SAMMSON: variants seen among roughly 807,000 people sequenced by gnomAD.
The protein encoded by SAMMSON is survival associated mitochondrial melanoma specific oncogenic non-coding RNA, also known as long intergenic non-protein coding RNA 1212.
intron 3 of SAMMSON, among the ~76,000 whole-genome samples, chr3:70,019,710 G>T (rs962765766): frequency 6.6e-6 from 1 of 152,184 alleles, no homozygotes; most frequent in African/African-American, 2.4e-5. Flanking sequence ...TGTTTTTGCA[G>T]TGTCTGGTAC....
intron 2 of SAMMSON, among the ~76,000 whole-genome samples, chr3:70,397,544 G>T (rs1216285291): frequency 6.6e-6 from 1 of 152,118 alleles, no homozygotes; most frequent in Non-Finnish European, 1.5e-5. Context: ...ACAATGTTCT[G>T]TTGAAGACTG....
At chr3:70,042,938 G>A (rs943071484) in intron 3 of SAMMSON, among the ~76,000 whole-genome samples, 1 of 152,076 alleles carries the variant, frequency 6.6e-6, no homozygotes, top group Admixed American at 6.6e-5. Flanking sequence ...CGCTTTGCCA[G>A]TGAATATAAA....
intron 2 of SAMMSON, among the ~76,000 whole-genome samples, chr3:70,433,814 T>A (rs1047438780): frequency 6.6e-6 from 1 of 152,180 alleles, no homozygotes; most frequent in Non-Finnish European, 1.5e-5. Flanking sequence ...AGTTACTTTT[T>A]ATGAAAGATG....
At chr3:70,154,405 A>C (rs34556593) in intron 4 of SAMMSON, among the ~76,000 whole-genome samples, 46,874 of 151,928 alleles carry the variant, frequency 0.31, 9,654 homozygotes, top group Non-Finnish European at 0.44. Flanking sequence ...GGCATAGCCA[A>C]GTCATAAGGC....
intron 1 of SAMMSON, among the ~76,000 whole-genome samples, chr3:70,001,054 G>C (rs1201166970): frequency 6.6e-6 from 1 of 151,884 alleles, no homozygotes; most frequent in Non-Finnish European, 1.5e-5. Context: ...GCCCTTTTCT[G>C]CTTGGCTCTC....
intron 3 of SAMMSON, among the ~76,000 whole-genome samples, chr3:70,018,220 T>G (rs978610955): frequency 6.6e-6 from 1 of 152,106 alleles, no homozygotes; most frequent in Non-Finnish European, 1.5e-5. Context: ...GTTCTGGACT[T>G]TTTTTGTTGG....
intron 1 of SAMMSON, among the ~76,000 whole-genome samples, chr3:70,008,882 C>G (rs920434130): frequency 6.6e-6 from 1 of 151,978 alleles, no homozygotes; most frequent in African/African-American, 2.4e-5. Context: ...CCTTTTCTTC[C>G]TCTGTTGAGA....
intron 7 of SAMMSON, among the ~76,000 whole-genome samples, chr3:70,317,855 A>G (rs190798821): frequency 6.6e-6 from 1 of 151,842 alleles, no homozygotes; most frequent in Non-Finnish European, 1.5e-5. Context: ...AACCCTCTTA[A>G]GCTTTCATTT....
chr3:70,178,104 G>T (rs901819313), intron 4 of SAMMSON, among the ~76,000 whole-genome samples: 1 of 152,090 alleles, frequency 6.6e-6, no homozygotes, highest in Non-Finnish European at 1.5e-5. Flanking sequence ...AGCAGTTGCT[G>T]GGGATGTATA....
intron 3 of SAMMSON, chr3:70,025,031 A>G (rs2067032086): frequency 6.6e-6 from 1 of 152,080 alleles, no homozygotes; most frequent in Non-Finnish European, 1.5e-5. Flanking sequence ...CTTCCTGTAG[A>G]TAACACCATG....
chr3:70,360,731 T>C (rs958378705), intron 9 of SAMMSON, among the ~76,000 whole-genome samples: 1 of 152,168 alleles, frequency 6.6e-6, no homozygotes, highest in South Asian at 2.1e-4. Context: ...GAGTAAGTTA[T>C]GATAAAACAT....
At chr3:70,320,728 C>A (rs1263519700) in intron 7 of SAMMSON, among the ~76,000 whole-genome samples, 1 of 152,096 alleles carries the variant, frequency 6.6e-6, no homozygotes, top group Non-Finnish European at 1.5e-5. Flanking sequence ...GTCATTCAAG[C>A]TGGCCAATCC....
intron 4 of SAMMSON, among the ~76,000 whole-genome samples, chr3:70,194,620 A>C (rs1701157712): frequency 1.3e-5 from 2 of 152,242 alleles, no homozygotes; most frequent in African/African-American, 4.8e-5. Context: ...GCAAGGCCAC[A>C]GAAAGATCTT....
chr3:70,281,026 G>C (rs1433554961), intron 6 of SAMMSON, among the ~76,000 whole-genome samples: 2 of 152,064 alleles, frequency 1.3e-5, no homozygotes, highest in African/African-American at 2.4e-5. Context: ...AATTTCCTTT[G>C]TATCTTTGGG....
At chr3:70,109,324 C>T (rs2067379425) in intron 4 of SAMMSON, among the ~76,000 whole-genome samples, 1 of 152,130 alleles carries the variant, frequency 6.6e-6, no homozygotes, top group South Asian at 2.1e-4. Context: ...CCGGAGCTCT[C>T]CTCTTCTCTC....
At chr3:70,215,958 C>T (rs1701405626) in intron 4 of SAMMSON, among the ~76,000 whole-genome samples, 1 of 152,004 alleles carries the variant, frequency 6.6e-6, no homozygotes, top group Non-Finnish European at 1.5e-5. Flanking sequence ...TGTGGTAAAA[C>T]ACATCTTGGT....
intron 1 of SAMMSON, among the ~76,000 whole-genome samples, chr3:70,000,711 G>A (rs920280225): frequency 6.6e-6 from 1 of 151,998 alleles, no homozygotes; most frequent in Admixed American, 6.6e-5. Flanking sequence ...AACACCAGAA[G>A]GACAATATCA....
At chr3:70,430,989 G>A (rs879250260) in intron 2 of SAMMSON, among the ~76,000 whole-genome samples, 2 of 151,934 alleles carry the variant, frequency 1.3e-5, no homozygotes, top group Admixed American at 1.3e-4. Context: ...ACTATTCAGT[G>A]GTTGGATATG....
chr3:70,161,833 A>G (rs370108667), intron 4 of SAMMSON, among the ~76,000 whole-genome samples: 2 of 151,548 alleles, frequency 1.3e-5, no homozygotes, highest in East Asian at 3.9e-4. Flanking sequence ...TATTTTCTTT[A>G]TTTGTTATTC....
Sources: gnomAD v4.1 joint callset for allele counts (sites outside exome capture counted in the v4.1 genomes callset) on GRCh38, gnomAD v4.1.1 for gene constraint, MANE v1.5 for transcripts, NCBI Gene and HGNC (gene_info 2026-07-23, HGNC 2026-07-21) for gene names.